The following GPT2 variants were observed in gnomAD, a reference collection of about 807,000 sequenced individuals.
GPT2 encodes the protein glutamic--pyruvic transaminase 2.
GPT2 carries 30 observed loss-of-function variants against 56.9 expected under a neutral mutation model. The ratio of observed to expected loss-of-function variants is 0.53; its 90% CI spans 0.39 to 0.72. The LOEUF (loss-of-function observed/expected upper bound fraction) is 0.72, where lower values mean the gene tolerates loss of function less well. GPT2 is among the 30% of genes least tolerant of loss of function. The pLI, the probability that GPT2 is intolerant of heterozygous loss-of-function variation, is 0.00. For synonymous variants in GPT2, 271 were observed against 283.1 expected (o/e 0.96, Z 0.43); for missense variants, 542 against 703.4 (o/e 0.77, Z 2.60).
intron 3 of GPT2, among the ~76,000 whole-genome samples, chr16:46,898,992 A>ATATATAT (rs1355515495): frequency 3.2e-5 from 2 of 62,322 alleles, no homozygotes; most frequent in African/African-American, 9.8e-5. Context: ...ATATATATAT[A>ATATATAT]ACACACATAT....
At chr16:46,922,024 A>C (rs879481592) in intron 8 of GPT2, among the ~76,000 whole-genome samples, 7 of 152,108 alleles carry the variant, frequency 4.6e-5, no homozygotes, top group Admixed American at 2.6e-4. Context: ...ATGCCACTGC[A>C]CTCCAGCCTG....
intron 4 of GPT2, among the ~76,000 whole-genome samples, chr16:46,901,666 C>T (rs1453083128): frequency 6.6e-6 from 1 of 152,214 alleles, no homozygotes; most frequent in Non-Finnish European, 1.5e-5. Flanking sequence ...GTGGCTTGCT[C>T]AGCAGGGGAG....
At chr16:46,890,556 G>A (rs1057002800) in intron 2 of GPT2, among the ~76,000 whole-genome samples, 15 of 152,198 alleles carry the variant, frequency 9.9e-5, no homozygotes, top group African/African-American at 3.6e-4. Context: ...CAGGCCATGT[G>A]AAGTGACCAG....
At chr16:46,917,841 T>A (rs144441533) in intron 7 of GPT2, among the ~76,000 whole-genome samples, 1 of 152,144 alleles carries the variant, frequency 6.6e-6, no homozygotes, top group Non-Finnish European at 1.5e-5. Flanking sequence ...GATATCTTCA[T>A]TTCTAAAGGA....
intron 8 of GPT2, among the ~76,000 whole-genome samples, chr16:46,919,717 G>A (rs936704329): frequency 2.6e-5 from 4 of 152,174 alleles, no homozygotes; most frequent in Non-Finnish European, 4.4e-5. Flanking sequence ...AGGGGGTGTG[G>A]CCTTGCTTAG....
Position 46,921,884 on chromosome 16 carries a change from C to G in GPT2, c.1038-358C>G, listed in dbSNP as rs373639505. ...TAAAAAGTGAAAAAAATTAGCCAGG[C>G]GTGGTGGCACACACCTAAAGGTCCA... is the stretch of plus-strand genomic sequence containing the variant. On this transcript the variant is annotated intron_variant, in intron 8 of 11. Transcript: ENST00000340124. 5.3e-5 allele frequency among the ~76,000 whole-genome samples: 8 copies of G among 152,164 alleles called. No individual in the cohort carries two copies. In the South Asian group the frequency reaches 8.3e-4, roughly 16 times the overall value.
chr16:46,907,005 G>A (rs199536684), intron 5 of GPT2, 30 bp downstream of exon 5: 50 of 1,613,592 alleles, frequency 3.1e-5, no homozygotes, highest in Non-Finnish European at 3.9e-5. Flanking sequence ...GTTGTTATCC[G>A]GTGTTTACCC....
chr16:46,900,758 G>A lies in GPT2; in HGVS notation c.410G>A (p.Arg137Gln), dbSNP rs367834055. The change falls in exon 4 of 12, where the codon CGG (arginine) becomes CAG (glutamine). Residue 137 changes from arginine to glutamine, a missense_variant. Physicochemically the swap from Arg to Gln is conservative, Grantham distance 43. Coordinates refer to ENST00000340124, the MANE Select transcript of GPT2 (RefSeq NM_133443.4). ...GAAGATGCTAAGAAACGTGCCCGGC[G>A]GATCCTGCAGGCTTGTGGCGGGAAC... ...FPEDAKKRAR[R>Q]ILQACGGNSL... 12 of 1,614,002 alleles carry A rather than the reference G, an allele frequency of 7.4e-6. No individual in the cohort carries two copies. Among genetic ancestry groups the A allele is most frequent in the Admixed American group, 3.3e-5 (2 of 59,998 alleles).
In GPT2 at chr16:46,906,986, GGGTGGCTCGTTGTTATCC is replaced by G; in HGVS notation, c.576+16_576+33del. The G allele has an allele frequency of 1.9e-6, 3 of 1,614,140 alleles. No individual in the cohort carries two copies. Among genetic ancestry groups the G allele is most frequent in the Non-Finnish European group, 2.5e-6 (3 of 1,179,990 alleles). On this transcript the variant is annotated intron_variant, in intron 5 of 11. Transcript: ENST00000340124. ...AGTGACGGCATTTCTGTACGTGTGAGGGTGGCTCGTTGTTATCCGGTGTTTACCCACATGAAGAGCAGC... is the reference window on the plus strand; with the variant it reads ...AGTGACGGCATTTCTGTACGTGTGAGGGTGTTTACCCACATGAAGAGCAGC...
In GPT2 at chr16:46,906,960, T is replaced by C; in HGVS notation, c.561T>C (p.Ala187=). Residue 187 remains alanine (A), a synonymous_variant, in exon 5 of 12, where the codon GCT becomes GCC. Transcript: ENST00000340124. ...ACAACATCTACCTGACCACGGGAGC[T>C]AGTGACGGCATTTCTGTACGTGTGA... The part of the protein sequence containing the change: ...DPDNIYLTTG[A]SDGISTILKI... 1 of 1,614,188 alleles carries C rather than the reference T, an allele frequency of 6.2e-7. No individual in the cohort carries two copies. Among genetic ancestry groups the C allele is most frequent in the Non-Finnish European group, 8.5e-7 (1 of 1,180,026 alleles).
Position 46,929,079 on chromosome 16 carries a change from T to C in GPT2, c.*82T>C. On this transcript the variant is annotated 3_prime_UTR_variant, in exon 12 of 12. Coordinates refer to ENST00000340124, the MANE Select transcript of GPT2 (RefSeq NM_133443.4). ...AGGCTGAACTCGCCTCCCCCGTGAC[T>C]CTGCCTCGGGCCTCGCAGAGGCCGC... is the stretch of plus-strand genomic sequence containing the variant. 9.0e-7 allele frequency: 1 copy of C among 1,106,170 alleles called. No individual in the cohort carries two copies. Among genetic ancestry groups the C allele is most frequent in the Non-Finnish European group, 1.4e-6 (1 of 723,648 alleles). The allele number at this position is 1,106,170 out of a possible 1,614,324, so 68.5% of individuals were successfully genotyped here. A position where few individuals can be genotyped will look rare whatever the true frequency, so the allele number is the denominator to read the frequency against.
intron 4 of GPT2, among the ~76,000 whole-genome samples, chr16:46,902,664 G>A (rs1960841346): frequency 6.6e-6 from 1 of 152,084 alleles, no homozygotes; most frequent in Non-Finnish European, 1.5e-5. Context: ...TCACTCTGTT[G>A]CCCAGGCTGG....
chr16:46,925,361 A>G (rs1055403980), intron 10 of GPT2, among the ~76,000 whole-genome samples: 3 of 152,030 alleles, frequency 2.0e-5, no homozygotes, highest in African/African-American at 7.2e-5. Flanking sequence ...AGCTGGGACT[A>G]TAGGCACCTG....
chr16:46,929,053 C>A lies in GPT2; in HGVS notation c.*56C>A. ...CTTGGCTCTTCCTCCCAATGCCCGT[C>A]AGGCTGAACTCGCCTCCCCCGTGAC... is the stretch of plus-strand genomic sequence containing the variant. On this transcript the variant is annotated 3_prime_UTR_variant, in exon 12 of 12. Transcript: ENST00000340124. 7.2e-7 allele frequency: 1 copy of A among 1,393,104 alleles called. No individual in the cohort carries two copies. Among genetic ancestry groups the A allele is most frequent in the Admixed American group, 1.7e-5 (1 of 59,192 alleles). The allele number at this position is 1,393,104 out of a possible 1,614,324, so 86.3% of individuals were successfully genotyped here.
intron 8 of GPT2, among the ~76,000 whole-genome samples, chr16:46,919,447 T>C (rs1257613163): frequency 6.6e-6 from 1 of 151,878 alleles, no homozygotes; most frequent in Non-Finnish European, 1.5e-5. Context: ...AGGAGTGTGG[T>C]GGGGAACTGT....
chr16:46,899,128 G>A (rs1454336066), intron 3 of GPT2, among the ~76,000 whole-genome samples: 1 of 150,268 alleles, frequency 6.7e-6, no homozygotes, highest in Admixed American at 6.7e-5. Context: ...AAACTCCTGG[G>A]CTGAAGCAAT....
chr16:46,920,346 G>A (rs1394000629), intron 8 of GPT2, among the ~76,000 whole-genome samples: 1 of 152,266 alleles, frequency 6.6e-6, no homozygotes, highest in Admixed American at 6.5e-5. Context: ...CTCCAGGCAG[G>A]CTGACCTCTG....
chr16:46,922,945 T>A (rs1392793848), intron 9 of GPT2, among the ~76,000 whole-genome samples: 1 of 152,130 alleles, frequency 6.6e-6, no homozygotes, highest in African/African-American at 2.4e-5. Context: ...ACACATAAAG[T>A]CGACCTTTTT....
At chr16:46,909,966 G>T (rs1300994903) in intron 6 of GPT2, 39 bp downstream of exon 6, 1 of 1,549,818 alleles carries the variant, frequency 6.5e-7, no homozygotes, top group East Asian at 2.3e-5. Context: ...GTAGAGGGTG[G>T]GGGTGGCTGA....
Sources: allele counts gnomAD v4.1 joint callset (sites outside exome capture counted in the v4.1 genomes callset), GRCh38; gene constraint gnomAD v4.1.1; transcripts MANE v1.5; gene names NCBI Gene and HGNC (gene_info 2026-07-23, HGNC 2026-07-21).